The following CSMD1 variants were observed in gnomAD, a reference collection of about 807,000 sequenced individuals.
CSMD1 encodes CUB and sushi domain-containing protein 1.
In CSMD1, 213 loss-of-function variants were observed where a neutral mutation model predicts 417.5. The observed-to-expected ratio is 0.51, with a 90% CI of 0.46 to 0.57. CSMD1 has a LOEUF of 0.57. Among genes scored for constraint, CSMD1 ranks in the 20% least tolerant of loss-of-function variants. CSMD1 has a pLI of 0.00. For synonymous variants in CSMD1, 2,862 were observed against 1,736.8 expected (o/e 1.65, Z -16.11); for missense variants, 6,923 against 4,529.7 (o/e 1.53, Z -15.17).
intron 1 of CSMD1, among the ~76,000 whole-genome samples, chr8:4,890,500 A>G (rs185336700): frequency 6.0e-5 from 9 of 150,900 alleles, no homozygotes; most frequent in African/African-American, 2.2e-4. Flanking sequence ...AGCCATGGGT[A>G]TCCTGGGCAG....
chr8:3,151,656 G>C, intron 39 of CSMD1, 143 bp from the exon 40 acceptor site: 1 of 593,406 alleles, frequency 1.7e-6, no homozygotes, highest in Non-Finnish European at 3.0e-6. Flanking sequence ...ACGATACAAT[G>C]CTGTGTGCCT....
chr8:3,067,208 C>T (rs977833160), intron 49 of CSMD1, among the ~76,000 whole-genome samples: 3 of 152,248 alleles, frequency 2.0e-5, no homozygotes, highest in South Asian at 2.1e-4. Context: ...AGGCCCCATG[C>T]GTGAGACAGG....
chr8:4,576,102 C>T (rs1390505696), intron 2 of CSMD1, among the ~76,000 whole-genome samples: 1 of 152,328 alleles, frequency 6.6e-6, no homozygotes, highest in African/African-American at 2.4e-5. Context: ...GACCATTCAA[C>T]CTCCTCTTTA....
intron 1 of CSMD1, among the ~76,000 whole-genome samples, chr8:4,988,556 T>C (rs1305348725): frequency 7.2e-5 from 11 of 152,240 alleles, no homozygotes; most frequent in Non-Finnish European, 1.6e-4. Flanking sequence ...TGAAGTTAAT[T>C]TGTTGAAATG....
At position 3,237,881 on chromosome 8, in the gene CSMD1, TAAATATAATTTTTATAA is replaced by T. The variant is rs1799257227; in HGVS notation, c.4154-7667_4154-7651del. On this transcript the variant is annotated intron_variant, in intron 26 of 69. Coordinates refer to ENST00000635120, the MANE Select transcript of CSMD1 (RefSeq NM_033225.6). ...AAATATAATTTTTATAATTATACTA[TAAATATAATTTTTATAA>T]TTATACTTATATATTTTTGTATATT... Among the ~76,000 whole-genome samples, 2 of 95,060 alleles carry T rather than the reference TAAATATAATTTTTATAA, an allele frequency of 2.1e-5. 1 individual carries two copies. The highest frequency in any genetic ancestry group is 4.5e-5 in the Non-Finnish European group (2 of 44,778). The allele number at this position is 95,060 out of a possible 152,430, so 62.4% of individuals were successfully genotyped here.
intron 1 of CSMD1, among the ~76,000 whole-genome samples, chr8:4,848,413 G>T (rs1801270165): frequency 1.3e-5 from 2 of 152,170 alleles, no homozygotes; most frequent in South Asian, 2.1e-4. Flanking sequence ...GCTAGTAATG[G>T]CCTATGGTCT....
rs1374553323 is a variant in CSMD1, at chr8:4,544,372, C to CT, written c.302+92969dup. On this transcript the variant is annotated intron_variant, in intron 2 of 69. Transcript: ENST00000635120. ...CAGTTGTTATTGAATCAAAGTTTTTCTTTTAAAAAATCTATTGTTACTTTT... is the reference window on the plus strand; with the variant it reads ...CAGTTGTTATTGAATCAAAGTTTTTCTTTTTAAAAAATCTATTGTTACTTTT... Among the ~76,000 whole-genome samples the CT allele has an allele frequency of 2.6e-5, 4 of 151,836 alleles. No homozygotes were observed. The East Asian group carries it at 5.8e-4, about 22-fold the overall frequency.
chr8:4,616,168 C>A (rs757904341), intron 2 of CSMD1, among the ~76,000 whole-genome samples: 1 of 152,142 alleles, frequency 6.6e-6, no homozygotes, highest in Non-Finnish European at 1.5e-5. Flanking sequence ...GATCCCATAG[C>A]TAAAACTTCA....
In CSMD1 at chr8:4,983,283, C is replaced by T. The variant is rs1038550778; in HGVS notation, c.85+11049G>A. Among the ~76,000 whole-genome samples the T allele has an allele frequency of 5.3e-5, 8 of 152,258 alleles. No individual in the cohort carries two copies. The South Asian group carries it at 6.2e-4, about 12-fold the overall frequency. ...CACCTTCCCTAGGTCAACTCTTCAACGAGTGTTTTCACAAAATGTTGATGA... is the reference window on the plus strand; with the variant it reads ...CACCTTCCCTAGGTCAACTCTTCAATGAGTGTTTTCACAAAATGTTGATGA... On this transcript the variant is annotated intron_variant, in intron 1 of 69. Transcript: ENST00000635120.
intron 69 of CSMD1, among the ~76,000 whole-genome samples, chr8:2,940,236 C>T (rs1801774174): frequency 6.6e-6 from 1 of 152,184 alleles, no homozygotes; most frequent in Admixed American, 6.5e-5. Context: ...CAACTGAGCC[C>T]TGGGCTTCCT....
intron 37 of CSMD1, among the ~76,000 whole-genome samples, chr8:3,163,134 A>G (rs73491768): frequency 0.015 from 2,348 of 152,326 alleles, 62 homozygotes; most frequent in African/African-American, 0.051. Flanking sequence ...GTTGATGGAT[A>G]TATTAATTTC....
intron 21 of CSMD1, among the ~76,000 whole-genome samples, chr8:3,354,239 A>C (rs1481953371): frequency 6.6e-6 from 1 of 152,142 alleles, no homozygotes; most frequent in Non-Finnish European, 1.5e-5. Context: ...GTCCACCTAA[A>C]TAACCTCGAG....
chr8:4,615,022 T>C (rs1801394895), intron 2 of CSMD1, among the ~76,000 whole-genome samples: 1 of 152,198 alleles, frequency 6.6e-6, no homozygotes, highest in Non-Finnish European at 1.5e-5. Context: ...TGGACGCTAA[T>C]GACTTCACAG....
intron 1 of CSMD1, among the ~76,000 whole-genome samples, chr8:4,747,591 G>A (rs1477863540): frequency 6.6e-6 from 1 of 152,156 alleles, no homozygotes; most frequent in Non-Finnish European, 1.5e-5. Context: ...TAAATACACT[G>A]AATGTTGTGC....
chr8:3,940,456 A>G (rs1275426403), intron 5 of CSMD1, among the ~76,000 whole-genome samples: 1 of 151,868 alleles, frequency 6.6e-6, no homozygotes, highest in Non-Finnish European at 1.5e-5. Context: ...AGCACCTTTC[A>G]AAATAATTCA....
chr8:3,972,643 G>A (rs752907203), intron 5 of CSMD1, among the ~76,000 whole-genome samples: 7 of 152,296 alleles, frequency 4.6e-5, no homozygotes, highest in South Asian at 2.1e-4. Flanking sequence ...TAGTTTACAT[G>A]TGATAGTAAG....
chr8:3,720,095 T>G (rs1015261489), intron 6 of CSMD1, among the ~76,000 whole-genome samples: 2 of 152,212 alleles, frequency 1.3e-5, no homozygotes, highest in African/African-American at 4.8e-5. Flanking sequence ...TTCCAAGTCT[T>G]TGTTACATTC....
chr8:3,209,245 T>C (rs1424709222), intron 30 of CSMD1, among the ~76,000 whole-genome samples: 1 of 152,064 alleles, frequency 6.6e-6, no homozygotes, highest in Admixed American at 6.6e-5. Flanking sequence ...TGAACAACAT[T>C]TGTGTTAGAA....
intron 5 of CSMD1, among the ~76,000 whole-genome samples, chr8:3,765,910 T>C (rs1366950800): frequency 1.3e-5 from 2 of 152,162 alleles, no homozygotes; most frequent in African/African-American, 4.8e-5. Context: ...ATCTCAAACA[T>C]GACAGACTTG....
Sources: allele counts gnomAD v4.1 joint callset (sites outside exome capture counted in the v4.1 genomes callset), GRCh38; gene constraint gnomAD v4.1.1; transcripts MANE v1.5; gene names NCBI Gene and HGNC (gene_info 2026-07-23, HGNC 2026-07-21).